COL6A2: variants seen among roughly 807,000 people sequenced by gnomAD.
COL6A2 encodes collagen type VI alpha 2 chain, also known as collagen alpha-2(VI) chain.
COL6A2 carries 90 observed loss-of-function variants against 124.9 expected under a neutral mutation model. That is an observed-to-expected ratio of 0.72 (90% CI 0.61 to 0.86). The LOEUF (loss-of-function observed/expected upper bound fraction) is 0.86, where lower values mean the gene tolerates loss of function less well. Among genes scored for constraint, COL6A2 ranks in the 40% least tolerant of loss-of-function variants. The pLI, the probability that COL6A2 is intolerant of heterozygous loss-of-function variation, is 0.00. For missense variants in COL6A2, 1,607 were observed against 1,502.5 expected, an observed-to-expected ratio of 1.07 and a Z score of -1.15; for synonymous variants, 793 against 618.2, an observed-to-expected ratio of 1.28 and a Z score of -4.19.
intron 27 of COL6A2, among the ~76,000 whole-genome samples, chr21:46,131,687 G>GCAGGTGGA (rs2078761623): frequency 6.6e-6 from 1 of 152,202 alleles, no homozygotes; most frequent in Admixed American, 6.5e-5. Context: ...ATGGTGCTCA[G>GCAGGTGGA]CAGGTGGACA....
intron 24 of COL6A2, 51 bp downstream of exon 24, chr21:46,125,362 G>A (rs757215024): frequency 2.4e-5 from 39 of 1,603,904 alleles, no homozygotes; most frequent in East Asian, 2.0e-4. Flanking sequence ...GGTGGAGGGC[G>A]GGAGTGCAGC....
chr21:46,127,556 A>C (rs1240575323), intron 27 of COL6A2, among the ~76,000 whole-genome samples: 10 of 152,154 alleles, frequency 6.6e-5, no homozygotes. Context: ...GCCAAGGTGC[A>C]GGCGTCCTCC....
intron 27 of COL6A2, chr21:46,129,091 A>C: frequency 6.2e-7 from 1 of 1,601,940 alleles, no homozygotes; most frequent in Non-Finnish European, 8.5e-7. Context: ...TCGCCAGCCC[A>C]AATGCCGCTC....
At chr21:46,126,470 C>T (rs755678863) in intron 26 of COL6A2, 33 bp from the exon 27 acceptor site, 3 of 1,612,238 alleles carry the variant, frequency 1.9e-6, no homozygotes, top group Non-Finnish European at 1.7e-6. Context: ...GGGACTGACC[C>T]TGGCCTGGCC....
Position 46,116,433 on chromosome 21 carries a change from C to A in COL6A2, c.927+30C>A, listed in dbSNP as rs1284644411. The A allele has an allele frequency of 2.5e-6, 4 of 1,612,436 alleles. No individual in the cohort carries two copies. In the African/African-American group the frequency reaches 4.0e-5, roughly 16 times the overall value. On this transcript the variant is annotated intron_variant, in intron 8 of 27. Transcript: ENST00000300527. This position sits in a 1 kb window ranked among gnomAD's most constrained non-coding sequence, Gnocchi z 4.6. ...GGCTCTTGCCCTGACAGACCTCAGA[C>A]CTGCGCCAGCCTCGGCCCAGACCCA...
At chr21:46,129,559 C>T in intron 27 of COL6A2, 2 of 1,472,168 alleles carry the variant, frequency 1.4e-6, no homozygotes, top group African/African-American at 1.4e-5. Flanking sequence ...CTGCCCCCGA[C>T]AGGCTGGCTC....
In COL6A2 at chr21:46,123,260, G is replaced by T. The variant is rs190883960; in HGVS notation, c.1671+323G>T. 2.6e-3 allele frequency among the ~76,000 whole-genome samples: 356 copies of T among 138,920 alleles called. 2 individuals are homozygous for T. Among genetic ancestry groups the T allele is most frequent in the Non-Finnish European group, 3.5e-3 (232 of 66,326 alleles). The allele number at this position is 138,920 out of a possible 152,430, so 91.1% of individuals were successfully genotyped here. A position where few individuals can be genotyped will look rare whatever the true frequency, so the allele number is the denominator to read the frequency against. On this transcript the variant is annotated intron_variant, in intron 21 of 27. Coordinates refer to ENST00000300527, the MANE Select transcript of COL6A2 (RefSeq NM_001849.4). ...CCCCACTACAGCATCCCCCACCAGG[G>T]TCCCCTCCCCAGCGACCCCAACATA...
rs760481395 is a variant in COL6A2 at position 46,111,497 on chromosome 21, C to T, written c.21C>T (p.Ser7=). The change falls in exon 2 of 28, where the codon TCC becomes TCT. Residue 7 remains serine (S), a synonymous_variant. Transcript: ENST00000300527. ...CCAAGATGCTCCAGGGCACCTGCTC[C>T]GTGCTCCTGCTCTGGGGAATCCTGG... MLQGTC[S]VLLLWGILGA... is the part of the protein sequence containing the mutation. The T allele has an allele frequency of 3.7e-6, 6 of 1,612,578 alleles. No homozygotes were observed. The South Asian group carries it at 4.4e-5, about 12-fold the overall frequency.
intron 21 of COL6A2, among the ~76,000 whole-genome samples, chr21:46,123,681 G>A (rs2078604203): frequency 1.4e-5 from 1 of 73,100 alleles, no homozygotes; most frequent in Non-Finnish European, 3.0e-5. Flanking sequence ...AGATGTATGG[G>A]TGAGTAGGTG....
intron 27 of COL6A2, chr21:46,129,791 C>G (rs2078736683): frequency 8.0e-7 from 1 of 1,253,816 alleles, no homozygotes; most frequent in Non-Finnish European, 1.0e-6. Flanking sequence ...CTCGCAAGAC[C>G]CTTAACTCAC....
At chr21:46,102,317 C>T (rs2123593125) in intron 1 of COL6A2, among the ~76,000 whole-genome samples, 2 of 152,232 alleles carry the variant, frequency 1.3e-5, no homozygotes, top group South Asian at 4.1e-4. Flanking sequence ...TTTCTACATA[C>T]AAGATCATAT....
At chr21:46,121,696 G>A (rs2078569238) in intron 18 of COL6A2, 78 bp downstream of exon 18, 5 of 1,450,984 alleles carry the variant, frequency 3.4e-6, no homozygotes, top group Non-Finnish European at 4.8e-6. Flanking sequence ...GGCCGGCCTG[G>A]GGGACCCTGT....
chr21:46,105,432 C>T (rs981856605), intron 1 of COL6A2, among the ~76,000 whole-genome samples: 9 of 152,196 alleles, frequency 5.9e-5, no homozygotes, highest in South Asian at 4.2e-4. Flanking sequence ...AATATATAGA[C>T]AATTATAAAA....
chr21:46,132,442 G>C lies in COL6A2; in HGVS notation c.2950G>C (p.Val984Leu). The C allele has an allele frequency of 6.2e-7, 1 of 1,606,622 alleles. No individual in the cohort carries two copies. The highest frequency in any genetic ancestry group is 8.5e-7 in the Non-Finnish European group (1 of 1,176,884). Reference protein sequence around the residue: ...LALGSDVDMDVLTTLSLGDRA... With the variant: ...LALGSDVDMDLLTTLSLGDRA... The stretch of plus-strand genomic sequence containing the variant: ...CTTGGGCAGCGACGTGGACATGGAC[G>C]TGCTCACCACGCTCAGCCTGGGTGA... Residue 984 changes from valine to leucine, a missense_variant, in exon 28 of 28, where the codon GTG becomes CTG. Val to Leu is a conservative substitution (Grantham distance 32). Around this residue, in one of 3 missense-constraint regions of COL6A2, gnomAD observed 1,223 missense variants for 1,052.2 expected, o/e 1.16. Coordinates refer to ENST00000300527, the MANE Select transcript of COL6A2 (RefSeq NM_001849.4).
At position 46,132,487 on chromosome 21, in the gene COL6A2, G is replaced by GAGA. The variant is rs750794022; in HGVS notation, c.2998_3000dup (p.Lys1000dup). On this transcript the variant is annotated inframe_insertion, in exon 28 of 28. Transcript: ENST00000300527. Reference sequence around the variant, plus strand: ...GGGTGACCGCGCCGCCGTGTTCCACGAGAAGGACTATGACAGCCTGGCGCA... The same window carrying GAGA: ...GGGTGACCGCGCCGCCGTGTTCCACGAGAAGAAGGACTATGACAGCCTGGCGCA... 1 of 1,607,296 alleles carries GAGA rather than the reference G, an allele frequency of 6.2e-7. No homozygotes were observed. Among genetic ancestry groups the GAGA allele is most frequent in the Admixed American group, 1.7e-5 (1 of 59,906 alleles).
Position 46,129,596 on chromosome 21 carries a change from G to C in COL6A2, c.2462-2358G>C, listed in dbSNP as rs7717. ...CAGTGGAGGCCAGAGATCTGGAATC[G>C]GGGTCAGCGGGGCTACAGTCCTTCC... On this transcript the variant is annotated intron_variant, in intron 27 of 27. Coordinates refer to ENST00000300527, the MANE Select transcript of COL6A2 (RefSeq NM_001849.4). 205,140 of 1,436,870 alleles carry C rather than the reference G, an allele frequency of 0.14. 16,840 individuals are homozygous for C. The highest frequency in any genetic ancestry group is 0.41 in the East Asian group (16,609 of 40,180). The allele number at this position is 1,436,870 out of a possible 1,614,324, so 89.0% of individuals were successfully genotyped here. A position where few individuals can be genotyped will look rare whatever the true frequency, so the allele number is the denominator to read the frequency against.
chr21:46,131,928 C>T lies in COL6A2; in HGVS notation c.2462-26C>T, dbSNP rs988723116. The stretch of plus-strand genomic sequence containing the variant: ...CGGTCCTGCCCACCTCCCCTCCGCC[C>T]AGCCCGCACCTGCGTCTCCCCACAG... On this transcript the variant is annotated intron_variant, in intron 27 of 27. Coordinates refer to ENST00000300527, the MANE Select transcript of COL6A2 (RefSeq NM_001849.4). 5.7e-6 allele frequency: 9 copies of T among 1,565,474 alleles called. No individual in the cohort carries two copies. The African/African-American group carries it at 1.2e-4, about 21-fold the overall frequency.
chr21:46,116,902 A>G lies in COL6A2; in HGVS notation c.999+88A>G, dbSNP rs2078480273. 2.3e-6 allele frequency: 3 copies of G among 1,311,360 alleles called. No individual in the cohort carries two copies. Among genetic ancestry groups the G allele is most frequent in the African/African-American group, 1.5e-5 (1 of 67,650 alleles). 81.2% of individuals were successfully genotyped at this position (1,311,360 alleles called of 1,614,324 possible). ...GCCCCCAGATCCAGCCTGATCTGTC[A>G]GCTTACACATGTGTACACACGCATA... On this transcript the variant is annotated intron_variant, in intron 10 of 27. Transcript: ENST00000300527. The surrounding 1 kb of genome is among the most constrained non-coding windows in gnomAD (Gnocchi z 4.6).
chr21:46,122,850 G>A, intron 20 of COL6A2, 25 bp from the exon 21 acceptor site: 15 of 1,610,902 alleles, frequency 9.3e-6, no homozygotes, highest in Non-Finnish European at 1.3e-5. Flanking sequence ...CTCTGTCCCA[G>A]GCTAACATGT....
Sources: gnomAD v4.1 joint callset for allele counts (sites outside exome capture counted in the v4.1 genomes callset) on GRCh38, gnomAD v4.1.1 for gene constraint, gnomAD v4.1.1 regional missense constraint, Gnocchi (gnomAD v3.1) non-coding constraint, MANE v1.5 for transcripts, NCBI Gene and HGNC (gene_info 2026-07-23, HGNC 2026-07-21) for gene names.